CLDN7: variants seen among roughly 807,000 people sequenced by gnomAD.
The protein encoded by CLDN7 is claudin 7, also known as claudin-7.
A neutral mutation model predicts 20.3 loss-of-function variants in CLDN7; 15 were observed. That is an observed-to-expected ratio of 0.74 (90% CI 0.49 to 1.14). The LOEUF (loss-of-function observed/expected upper bound fraction) is 1.14. Ranked by LOEUF, CLDN7 falls within the 50% of genes most tolerant of loss-of-function variation. The probability of loss-of-function intolerance (pLI) is 0.00; values close to 1 mark genes in which losing one functional copy is unlikely to be tolerated. For synonymous variants in CLDN7, 117 were observed against 106.1 expected (o/e 1.10, Z -0.63); for missense variants, 261 against 274.2 (o/e 0.95, Z 0.34).
At chr17:7,260,773 G>A (rs774841188) in intron 2 of CLDN7, 47 bp from the exon 3 acceptor site, 2 of 1,614,082 alleles carry the variant, frequency 1.2e-6, no homozygotes, top group Non-Finnish European at 1.7e-6. Flanking sequence ...CCAAATGGGC[G>A]CCTTGCCCAG....
chr17:7,261,845 AC>A lies in CLDN7; in HGVS notation c.198del (p.Met66IlefsTer18). 6.2e-7 allele frequency: 1 copy of A among 1,613,870 alleles called. No individual in the cohort carries two copies. Among genetic ancestry groups the A allele is most frequent in the Non-Finnish European group, 8.5e-7 (1 of 1,180,032 alleles). On this transcript the variant is annotated frameshift_variant, in exon 1 of 4. Coordinates refer to ENST00000360325, the MANE Select transcript of CLDN7 (RefSeq NM_001307.6). LOFTEE classifies it high-confidence loss of function. ...TQSTGMMSCKMYDSVLALSAA... is the reference protein window; with the variant it reads ...TQSTGMMSCKXYDSVLALSAA... Reference sequence around the variant, plus strand: ...CCGGACAGGGCGAGCACCGAGTCGTACATTTTGCAGCTCATCATCCCCGTGC... The same window carrying A: ...CCGGACAGGGCGAGCACCGAGTCGTAATTTTGCAGCTCATCATCCCCGTGC...
chr17:7,262,180 G>C lies in CLDN7; in HGVS notation c.-137C>G, dbSNP rs2143002483. On this transcript the variant is annotated 5_prime_UTR_variant, in exon 1 of 4. Transcript: ENST00000360325. The surrounding 1 kb of genome is among the most constrained non-coding windows in gnomAD (Gnocchi z 6.6). Reference sequence around the variant, plus strand: ...ACCCAAAGAGACAAAAAGGGTTTGGGCCAGGTGAATGCAAATCTTGTCACC... The same window carrying C: ...ACCCAAAGAGACAAAAAGGGTTTGGCCCAGGTGAATGCAAATCTTGTCACC... The C allele has an allele frequency of 6.9e-7, 1 of 1,449,192 alleles. No homozygotes were observed. The highest frequency in any genetic ancestry group is 2.5e-5 in the East Asian group (1 of 40,262). 89.8% of individuals were successfully genotyped at this position (1,449,192 alleles called of 1,614,324 possible).
chr17:7,260,550 G>A lies in CLDN7; in HGVS notation c.474-14C>T, dbSNP rs749098075. ...CCAAACTCATACCTGTGAAGAGAAG[G>A]GGGTGGTTAGAAACCCTGGCGTGCC... On this transcript the variant is annotated splice_polypyrimidine_tract_variant and intron_variant, in intron 3 of 3. Transcript: ENST00000360325. 2 of 1,611,782 alleles carry A rather than the reference G, an allele frequency of 1.2e-6. No homozygotes were observed. Among genetic ancestry groups the A allele is most frequent in the South Asian group, 2.2e-5 (2 of 90,926 alleles).
At chr17:7,261,451 C>T (rs1280944287) in intron 1 of CLDN7, among the ~76,000 whole-genome samples, 1 of 152,140 alleles carries the variant, frequency 6.6e-6, no homozygotes, top group South Asian at 2.1e-4. Context: ...CTTCGGCCCT[C>T]GGCGCGCCCC....
Position 7,262,063 on chromosome 17 carries a change from T to C in CLDN7, c.-20A>G, listed in dbSNP as rs1464633929. The C allele has an allele frequency of 6.5e-7, 1 of 1,543,084 alleles. No individual in the cohort carries two copies. The highest frequency in any genetic ancestry group is 1.1e-5 in the South Asian group (1 of 87,214). On this transcript the variant is annotated 5_prime_UTR_variant, in exon 1 of 4. Transcript: ENST00000360325. This position sits in a 1 kb window ranked among gnomAD's most constrained non-coding sequence, Gnocchi z 6.6. ...GGCCATTTCCGCCCTCAGAAAACAC[T>C]GGGGGCGCCGGGCGGGGAGACCCTA... is the stretch of plus-strand genomic sequence containing the variant.
rs1323144007 is a variant in CLDN7 at position 7,261,099 on chromosome 17, T to C, written c.224-114A>G. The C allele has an allele frequency of 7.0e-5, 98 of 1,409,384 alleles. 1 individual carries two copies. The East Asian group carries it at 2.4e-3, about 34-fold the overall frequency. The allele number at this position is 1,409,384 out of a possible 1,614,324, so 87.3% of individuals were successfully genotyped here. A position where few individuals can be genotyped will look rare whatever the true frequency, so the allele number is the denominator to read the frequency against. On this transcript the variant is annotated intron_variant, in intron 1 of 3. Coordinates refer to ENST00000360325, the MANE Select transcript of CLDN7 (RefSeq NM_001307.6). ...ACCTCTTCTGTCCGGCGCCGTGTTCTGCCGAGGGCCAGGGGCGCCCAGGTG... is the reference window on the plus strand; with the variant it reads ...ACCTCTTCTGTCCGGCGCCGTGTTCCGCCGAGGGCCAGGGGCGCCCAGGTG...
chr17:7,261,940 T>C lies in CLDN7; in HGVS notation c.104A>G (p.Tyr35Cys), dbSNP rs2072233167. 4 of 1,614,136 alleles carry C rather than the reference T, an allele frequency of 2.5e-6. No individual in the cohort carries two copies. The highest frequency in any genetic ancestry group is 3.4e-6 in the Non-Finnish European group (4 of 1,180,020). ...GGCCGTGATGATGTTGTCACCCGCA[T>C]AGGAGCTCATCTGCCACTGCGGGAT... ...TAIPQWQMSS[Y>C]AGDNIITAQA... is the part of the protein sequence containing the mutation. The change falls in exon 1 of 4, where the codon TAT becomes TGT. Residue 35 changes from tyrosine to cysteine, a missense_variant. By Grantham distance (194) the Tyr-to-Cys change is radical. Coordinates refer to ENST00000360325, the MANE Select transcript of CLDN7 (RefSeq NM_001307.6).
chr17:7,261,930 G>A lies in CLDN7; in HGVS notation c.114C>T (p.Asp38=), dbSNP rs1239291208. ...PQWQMSSYAG[D]NIITAQAMYK... Reference sequence around the variant, plus strand: ...ACATGGCCTGGGCCGTGATGATGTTGTCACCCGCATAGGAGCTCATCTGCC... The same window carrying A: ...ACATGGCCTGGGCCGTGATGATGTTATCACCCGCATAGGAGCTCATCTGCC... The change falls in exon 1 of 4, where the codon GAC becomes GAT. Residue 38 remains aspartate (D), a synonymous_variant. Transcript: ENST00000360325. 6.2e-7 allele frequency: 1 copy of A among 1,614,056 alleles called. No homozygotes were observed. Among genetic ancestry groups the A allele is most frequent in the African/African-American group, 1.3e-5 (1 of 74,952 alleles).
In CLDN7 at chr17:7,260,961, A is replaced by T. The variant is rs1376564183; in HGVS notation, c.248T>A (p.Leu83Gln). 1.2e-6 allele frequency: 2 copies of T among 1,612,926 alleles called. No individual in the cohort carries two copies. Among genetic ancestry groups the T allele is most frequent in the Non-Finnish European group, 1.7e-6 (2 of 1,179,958 alleles). ...LSAALQATRALMVVSLVLGFL... is the reference protein window; with the variant it reads ...LSAALQATRAQMVVSLVLGFL... ...GCCCAGCACCAGGGAGACCACCATT[A>T]GGGCTCGAGTGGCCTGCAAGGCCGC... is the stretch of plus-strand genomic sequence containing the variant. Residue 83 changes from leucine to glutamine, a missense_variant, in exon 2 of 4, where the codon CTA becomes CAA. Coordinates refer to ENST00000360325, the MANE Select transcript of CLDN7 (RefSeq NM_001307.6).
rs1487325024 is a variant in CLDN7 at position 7,259,920 on chromosome 17, T to C, written c.*454A>G. The C allele has an allele frequency of 2.1e-6, 1 of 478,764 alleles. No homozygotes were observed. The highest frequency in any genetic ancestry group is 3.4e-6 in the Non-Finnish European group (1 of 295,730). 29.7% of individuals were successfully genotyped at this position (478,764 alleles called of 1,614,324 possible). On this transcript the variant is annotated 3_prime_UTR_variant, in exon 4 of 4. Transcript: ENST00000360325. ...CACCCCCGTACCTAATAAAAATCTT[T>C]ATTTTTTTATTAAAAAAGAAGTACT...
Position 7,260,001 on chromosome 17 carries a change from T to G in CLDN7, c.*373A>C. The G allele has an allele frequency of 2.9e-6, 1 of 342,848 alleles. No individual in the cohort carries two copies. The highest frequency in any genetic ancestry group is 5.3e-6 in the Non-Finnish European group (1 of 189,142). 21.2% of individuals were successfully genotyped at this position (342,848 alleles called of 1,614,324 possible). On this transcript the variant is annotated 3_prime_UTR_variant, in exon 4 of 4. Transcript: ENST00000360325. ...GAATGAATGTCGAGATACGAGCACCTGCATCTTTTAGTCAATTGTCAGTGG... is the reference window on the plus strand; with the variant it reads ...GAATGAATGTCGAGATACGAGCACCGGCATCTTTTAGTCAATTGTCAGTGG...
At chr17:7,261,681 C>CCCCCCCCCCCCCCCCCCCCAAACA in intron 1 of CLDN7, 140 bp downstream of exon 1, 1 of 696,832 alleles carries the variant, frequency 1.4e-6, no homozygotes, top group Non-Finnish European at 2.2e-6. Context: ...CCAGCCCCGC[C>CCCCCCCCCCCCCCCCCCCCAAACA]GCCCCCAGCC....
chr17:7,260,878 C>A lies in CLDN7; in HGVS notation c.331G>T (p.Asp111Tyr), dbSNP rs568777982. Reference protein sequence around the residue: ...GMKCTRCGGDDKVKKARIAMG... With the variant: ...GMKCTRCGGDYKVKKARIAMG... ...GCTATACGGGCCTTCTTCACTTTGTCGTCTCCCCCACAGCGCGTGCACTTC... is the reference window on the plus strand; with the variant it reads ...GCTATACGGGCCTTCTTCACTTTGTAGTCTCCCCCACAGCGCGTGCACTTC... The change falls in exon 2 of 4, where the codon GAC becomes TAC. Residue 111 changes from aspartate to tyrosine, a missense_variant. Coordinates refer to ENST00000360325, the MANE Select transcript of CLDN7 (RefSeq NM_001307.6). 6.2e-7 allele frequency: 1 copy of A among 1,614,252 alleles called. No individual in the cohort carries two copies. The highest frequency in any genetic ancestry group is 1.7e-5 in the Admixed American group (1 of 60,032).
intron 1 of CLDN7, among the ~76,000 whole-genome samples, chr17:7,261,552 C>T (rs2072220585): frequency 6.6e-6 from 1 of 152,178 alleles, no homozygotes; most frequent in Non-Finnish European, 1.5e-5. Context: ...AGGGGATGGC[C>T]CCGGCCTAAG....
rs756811754 is a variant in CLDN7 at position 7,261,918 on chromosome 17, C to T, written c.126G>A (p.Thr42=). 1.2e-6 allele frequency: 2 copies of T among 1,614,196 alleles called. No homozygotes were observed. Among genetic ancestry groups the T allele is most frequent in the East Asian group, 4.5e-5 (2 of 44,886 alleles). The change falls in exon 1 of 4, where the codon ACG becomes ACA. Residue 42 remains threonine, a synonymous_variant. Transcript: ENST00000360325. ...ACAGCCCCTTGTACATGGCCTGGGC[C>T]GTGATGATGTTGTCACCCGCATAGG... The part of the protein sequence containing the change: ...MSSYAGDNII[T]AQAMYKGLWM...
chr17:7,262,318 G>C lies in CLDN7; in HGVS notation c.-275C>G. The C allele has an allele frequency of 7.5e-7, 1 of 1,337,938 alleles. No homozygotes were observed. 82.9% of individuals were successfully genotyped at this position (1,337,938 alleles called of 1,614,324 possible). Reference sequence around the variant, plus strand: ...ATTGGTGGTCCCCGAAGGCCAGGCGGTTCCCTCCGGGCGCTCTCGGCGACC... The same window carrying C: ...ATTGGTGGTCCCCGAAGGCCAGGCGCTTCCCTCCGGGCGCTCTCGGCGACC... On this transcript the variant is annotated 5_prime_UTR_variant, in exon 1 of 4. Coordinates refer to ENST00000360325, the MANE Select transcript of CLDN7 (RefSeq NM_001307.6). This position sits in a 1 kb window ranked among gnomAD's most constrained non-coding sequence, Gnocchi z 6.6.
upstream of CLDN7, chr17:7,262,500 G>GT (rs1242463952): frequency 6.7e-6 from 5 of 749,606 alleles, no homozygotes; most frequent in Non-Finnish European, 8.2e-6. The surrounding 1 kb of genome is among the most constrained non-coding windows in gnomAD (Gnocchi z 6.6). Flanking sequence ...GCGCACCTGA[G>GT]TATATGTAGG....
rs2072237875 is a variant in CLDN7, at chr17:7,262,198, T to C, written c.-155A>G. ...GGTTTGGGCCAGGTGAATGCAAATC[T>C]TGTCACCAAACTACACACAAATCGA... On this transcript the variant is annotated 5_prime_UTR_variant, in exon 1 of 4. Transcript: ENST00000360325. The surrounding 1 kb of genome is among the most constrained non-coding windows in gnomAD (Gnocchi z 6.6). 1.3e-5 allele frequency: 19 copies of C among 1,440,688 alleles called. No individual in the cohort carries two copies. The highest frequency in any genetic ancestry group is 1.7e-5 in the Non-Finnish European group (19 of 1,103,314). The allele number at this position is 1,440,688 out of a possible 1,614,324, so 89.2% of individuals were successfully genotyped here.
In CLDN7 at chr17:7,261,975, G is replaced by A. The variant is rs774371364; in HGVS notation, c.69C>T (p.Ala23=). The change falls in exon 1 of 4, where the codon GCC becomes GCT. Residue 23 remains alanine, a synonymous_variant. Transcript: ENST00000360325. ...MALLGWVGLV[A]CTAIPQWQMS... ...TCTGCCACTGCGGGATGGCGGTGCA[G>A]GCCACCAGACCCACCCAGCCCAGCA... 1 of 1,614,072 alleles carries A rather than the reference G, an allele frequency of 6.2e-7. No homozygotes were observed. Among genetic ancestry groups the A allele is most frequent in the East Asian group, 2.2e-5 (1 of 44,874 alleles).
Sources: gnomAD v4.1 joint callset for allele counts (sites outside exome capture counted in the v4.1 genomes callset) on GRCh38, gnomAD v4.1.1 for gene constraint, Gnocchi (gnomAD v3.1) non-coding constraint, MANE v1.5 for transcripts, NCBI Gene and HGNC (gene_info 2026-07-23, HGNC 2026-07-21) for gene names.